The following CDK14 variants were observed in gnomAD, a reference collection of about 807,000 sequenced individuals.
CDK14 encodes the protein cyclin dependent kinase 14, also known as cyclin-dependent kinase 14.
Under a neutral mutation model 60.7 loss-of-function variants are expected in CDK14, and 34 were observed. That is an observed-to-expected ratio of 0.56 (90% CI 0.43 to 0.75). The LOEUF is 0.75. Ranked by LOEUF, CDK14 falls within the 30% of genes least tolerant of loss-of-function variation. The pLI is 0.00. For missense variants in CDK14, 482 were observed against 564.1 expected, an observed-to-expected ratio of 0.85 and a Z score of 1.47; for synonymous variants, 197 against 203.7, an observed-to-expected ratio of 0.97 and a Z score of 0.28.
intron 14 of CDK14, among the ~76,000 whole-genome samples, chr7:91,126,736 T>C (rs1367240897): frequency 1.3e-5 from 2 of 152,184 alleles, no homozygotes; most frequent in Admixed American, 1.3e-4. Flanking sequence ...CCACCAGTTT[T>C]TCAGTGTTTC....
rs747346133 is a variant in CDK14, at chr7:91,118,053, T to A, written c.1295-12T>A. The A allele has an allele frequency of 2.7e-6, 4 of 1,483,710 alleles. No homozygotes were observed. Among genetic ancestry groups the A allele is most frequent in the Non-Finnish European group, 2.8e-6 (3 of 1,067,550 alleles). The allele number at this position is 1,483,710 out of a possible 1,614,324, so 91.9% of individuals were successfully genotyped here. A position where few individuals can be genotyped will look rare whatever the true frequency, so the allele number is the denominator to read the frequency against. On this transcript the variant is annotated splice_polypyrimidine_tract_variant and intron_variant, in intron 13 of 14. Transcript: ENST00000380050. The stretch of plus-strand genomic sequence containing the variant: ...TAACTATATAAATGAAAACTTCATA[T>A]TCTGTCCACAGTGTCTTCTATTTTT...
chr7:91,136,062 A>G (rs527601660), intron 14 of CDK14, among the ~76,000 whole-genome samples: 3 of 152,238 alleles, frequency 2.0e-5, no homozygotes, highest in Middle Eastern at 6.8e-3. Context: ...GGCATGGATC[A>G]TTTTTGCCCC....
chr7:90,801,283 A>G (rs1449543938), intron 5 of CDK14, among the ~76,000 whole-genome samples: 1 of 152,226 alleles, frequency 6.6e-6, no homozygotes, highest in Non-Finnish European at 1.5e-5. Flanking sequence ...TGAAGTTTGC[A>G]TATAATAGAC....
At chr7:90,883,334 C>T (rs893088047) in intron 6 of CDK14, among the ~76,000 whole-genome samples, 2 of 152,044 alleles carry the variant, frequency 1.3e-5, no homozygotes, top group Non-Finnish European at 2.9e-5. Flanking sequence ...CGCAAATAAA[C>T]TTAGAAAATC....
At chr7:90,807,391 C>A (rs1019050026) in intron 5 of CDK14, among the ~76,000 whole-genome samples, 2 of 152,190 alleles carry the variant, frequency 1.3e-5, no homozygotes, top group Non-Finnish European at 2.9e-5. Flanking sequence ...TCCAACAGAC[C>A]TGCAGCTGAG....
At chr7:90,727,877 T>A (rs1339967260) in intron 3 of CDK14, among the ~76,000 whole-genome samples, 1 of 152,134 alleles carries the variant, frequency 6.6e-6, no homozygotes, top group Admixed American at 6.6e-5. Context: ...TTTTTAATGT[T>A]AAATACCCAT....
intron 11 of CDK14, among the ~76,000 whole-genome samples, chr7:91,064,592 A>G (rs1797916401): frequency 6.6e-6 from 1 of 152,208 alleles, no homozygotes; most frequent in Admixed American, 6.5e-5. Context: ...AGTAGACTGG[A>G]GTAGAGTCCT....
chr7:90,912,406 C>A (rs1189818322), intron 7 of CDK14, among the ~76,000 whole-genome samples: 3 of 152,158 alleles, frequency 2.0e-5, no homozygotes, highest in African/African-American at 7.2e-5. Context: ...TATAACTACT[C>A]ATCCATGCAT....
intron 5 of CDK14, among the ~76,000 whole-genome samples, chr7:90,808,174 A>G (rs979479048): frequency 6.6e-6 from 1 of 152,224 alleles, no homozygotes; most frequent in African/African-American, 2.4e-5. Context: ...CAGGTTCACC[A>G]AAGTTGAAAT....
intron 8 of CDK14, among the ~76,000 whole-genome samples, chr7:90,925,340 A>G (rs900349108): frequency 1.8e-4 from 27 of 152,210 alleles, no homozygotes; most frequent in Admixed American, 5.2e-4. Flanking sequence ...AGATCCAGCC[A>G]TAGAGTTGGG....
chr7:90,654,476 A>G (rs1362824695), intron 2 of CDK14, among the ~76,000 whole-genome samples: 1 of 152,172 alleles, frequency 6.6e-6, no homozygotes, highest in Admixed American at 6.5e-5. Context: ...AACAACATCA[A>G]GGAGAGTGTA....
intron 11 of CDK14, among the ~76,000 whole-genome samples, chr7:91,046,528 A>T (rs1797242215): frequency 6.6e-6 from 1 of 152,056 alleles, no homozygotes; most frequent in Non-Finnish European, 1.5e-5. Flanking sequence ...CTTTTTTTTC[A>T]CCAGTAGGTG....
chr7:90,807,143 A>G (rs1240582862), intron 5 of CDK14, among the ~76,000 whole-genome samples: 1 of 152,202 alleles, frequency 6.6e-6, no homozygotes, highest in Non-Finnish European at 1.5e-5. Context: ...ACGCAGCTGG[A>G]GATCTGAGAA....
chr7:90,777,831 TC>T (rs1805114401), intron 4 of CDK14, among the ~76,000 whole-genome samples: 1 of 152,218 alleles, frequency 6.6e-6, no homozygotes, highest in South Asian at 2.1e-4. Context: ...TCCCTGATCA[TC>T]CACTATGCCT....
At position 90,622,163 on chromosome 7, in the gene CDK14, A is replaced by G. The variant is rs76196146; in HGVS notation, c.123+17914A>G. On this transcript the variant is annotated intron_variant, in intron 2 of 14. Transcript: ENST00000380050. ...ATTTTCCTGCTTAGAGCAGGTATTT[A>G]CTATTAATCCTGTGGCATTTGCCTT... is the stretch of plus-strand genomic sequence containing the variant. Among the ~76,000 whole-genome samples, 1,347 of 152,360 alleles carry G rather than the reference A, an allele frequency of 8.8e-3. 25 individuals are homozygous for G. The highest frequency in any genetic ancestry group is 0.028 in the African/African-American group (1,184 of 41,582).
chr7:91,035,833 CTTTTTTTTTTTTT>C (rs34091498), intron 10 of CDK14, among the ~76,000 whole-genome samples: 1 of 99,232 alleles, frequency 1.0e-5, no homozygotes, highest in African/African-American at 3.9e-5. Flanking sequence ...GCTTCATGGT[CTTTTTTTTTTTTT>C]TTTTTTTTGA....
At chr7:91,064,483 A>G (rs961405756) in intron 11 of CDK14, among the ~76,000 whole-genome samples, 5 of 152,224 alleles carry the variant, frequency 3.3e-5, no homozygotes, top group Admixed American at 2.0e-4. Flanking sequence ...GCATTATTAC[A>G]TGGATTACAG....
intron 6 of CDK14, among the ~76,000 whole-genome samples, chr7:90,895,226 A>G (rs1792257206): frequency 6.6e-6 from 1 of 151,886 alleles, no homozygotes; most frequent in African/African-American, 2.4e-5. Context: ...TTTTTTTCCT[A>G]GATATCAAAT....
chr7:91,195,902 C>T (rs1802521842), intron 14 of CDK14, among the ~76,000 whole-genome samples: 2 of 152,178 alleles, frequency 1.3e-5, no homozygotes, highest in South Asian at 4.1e-4. Context: ...TTCAGCTTTT[C>T]CTGTGTCTCT....
Sources: allele counts gnomAD v4.1 joint callset (sites outside exome capture counted in the v4.1 genomes callset), GRCh38; gene constraint gnomAD v4.1.1; transcripts MANE v1.5; gene names NCBI Gene and HGNC (gene_info 2026-07-23, HGNC 2026-07-21).